ZNF91: variants seen among roughly 807,000 people sequenced by gnomAD.
The protein encoded by ZNF91 is zinc finger protein 91 (HPF7, HTF10).
ZNF91 carries 7 observed loss-of-function variants against 12.6 expected under a neutral mutation model. That is an observed-to-expected ratio of 0.55 (90% CI 0.31 to 1.04). ZNF91 has a LOEUF of 1.04. Ranked by LOEUF, ZNF91 falls within the 50% of genes least tolerant of loss-of-function variation. ZNF91 has a pLI of 0.05. For synonymous variants in ZNF91, 453 were observed against 462.6 expected, an observed-to-expected ratio of 0.98 and a Z score of 0.27; for missense variants, 1,217 against 1,385.4, an observed-to-expected ratio of 0.88 and a Z score of 1.93.
chr19:23,306,628 A>G (rs1967403037), intron 3 of ZNF91, among the ~76,000 whole-genome samples: 1 of 152,184 alleles, frequency 6.6e-6, no homozygotes, highest in African/African-American at 2.4e-5. Context: ...CACCCGAGTT[A>G]TATAACTCTT....
intron 1 of ZNF91, among the ~76,000 whole-genome samples, chr19:23,332,751 C>CA (rs1214171008): frequency 6.6e-6 from 1 of 152,136 alleles, no homozygotes; most frequent in Non-Finnish European, 1.5e-5. Context: ...CTGTGATGAT[C>CA]AGGAATGGAG....
rs1270010689 is a variant in ZNF91 at position 23,357,698 on chromosome 19, T to C, written c.*1705A>G. On this transcript the variant is annotated 3_prime_UTR_variant, in exon 4 of 4. Transcript: ENST00000300619. ...GATTTATTCGGGACTCAGAAATATATGGATTTTACTTATGTTTGTATATAA... is the reference window on the plus strand; with the variant it reads ...GATTTATTCGGGACTCAGAAATATACGGATTTTACTTATGTTTGTATATAA... The C allele has an allele frequency of 6.6e-6, 1 of 152,216 alleles. No individual in the cohort carries two copies. The highest frequency in any genetic ancestry group is 1.5e-5 in the Non-Finnish European group (1 of 68,022). 9.4% of individuals were successfully genotyped at this position (152,216 alleles called of 1,614,324 possible). A position where few individuals can be genotyped will look rare whatever the true frequency, so the allele number is the denominator to read the frequency against.
At chr19:23,349,588 T>G (rs1968313368) in intron 3 of ZNF91, among the ~76,000 whole-genome samples, 4 of 152,140 alleles carry the variant, frequency 2.6e-5, no homozygotes, top group Admixed American at 2.6e-4. Context: ...CCTTGTCCTC[T>G]CAACATAACT....
At chr19:23,323,355 C>G (rs111163957) in intron 1 of ZNF91, among the ~76,000 whole-genome samples, 19,600 of 146,916 alleles carry the variant, frequency 0.13, 2,021 homozygotes, top group East Asian at 0.42. Context: ...CTCTCCCCCT[C>G]CTTTCCTCCT....
intron 2 of ZNF91, chr19:23,307,762 C>CCCT (rs570970073): frequency 2.8e-4 from 42 of 152,298 alleles, no homozygotes; most frequent in African/African-American, 1.0e-3. Flanking sequence ...CTTGCCTGTA[C>CCCT]CCTCCCCTCA....
chr19:23,346,870 C>T (rs906368569), intron 3 of ZNF91, among the ~76,000 whole-genome samples: 6 of 152,210 alleles, frequency 3.9e-5, no homozygotes, highest in Admixed American at 6.5e-5. Context: ...CTCTCCCCCA[C>T]GGCTCCTCCA....
downstream of ZNF91, among the ~76,000 whole-genome samples, chr19:23,335,703 A>G (rs117495813): frequency 7.3e-3 from 1,113 of 152,132 alleles, 3 homozygotes; most frequent in Non-Finnish European, 0.012. Context: ...GAGTGTCCCA[A>G]TTTTCCAAGT....
downstream of ZNF91, among the ~76,000 whole-genome samples, chr19:23,336,253 T>G (rs1968005615): frequency 6.6e-6 from 1 of 152,114 alleles, no homozygotes; most frequent in South Asian, 2.1e-4. Context: ...AAAACTTGGT[T>G]TAGGAGCAGA....
Position 23,361,485 on chromosome 19 carries a change from A to C in ZNF91, c.1494T>G (p.Ala498=). 1 of 1,613,262 alleles carries C rather than the reference A, an allele frequency of 6.2e-7. No individual in the cohort carries two copies. Among genetic ancestry groups the C allele is most frequent in the Non-Finnish European group, 8.5e-7 (1 of 1,179,750 alleles). Residue 498 remains alanine (A), a synonymous_variant, in exon 4 of 4, where the codon GCT becomes GCG. Coordinates refer to ENST00000300619, the MANE Select transcript of ZNF91 (RefSeq NM_003430.4). ...TAGTAAGGGTTGAGGATTGCCTAAA[A>C]GCTTTGCCACATTCTTCACATTTGT... ...KPYKCEECGK[A]FRQSSTLTKH...
chr19:23,323,263 CCTT>C lies in ZNF91; in HGVS notation n.117-14169_117-14167del, dbSNP rs1967749897. Among the ~76,000 whole-genome samples the C allele has an allele frequency of 5.5e-5, 8 of 146,576 alleles. No individual in the cohort carries two copies. The South Asian group carries it at 1.8e-3, about 33-fold the overall frequency. The stretch of plus-strand genomic sequence containing the variant: ...CTCTCCTTTCTCCTCTCCTCCTGTT[CCTT>C]TTCTTCTTTCTTCTCTCCTCCTCCC... On this transcript the variant is annotated intron_variant and non_coding_transcript_variant, in intron 1 of 1. Coordinates refer to the ZNF91 transcript ENST00000596528.
In ZNF91 at chr19:23,361,005, G is replaced by A. The variant is rs1968721972; in HGVS notation, c.1974C>T (p.Tyr658=). ...HKRIHTGEKP[Y]KCKECGKAFS... is the part of the protein sequence containing the mutation. ...AAGCTTTGCCACATTCTTTACATTT[G>A]TAGGGTTTCTCTCCAGTATGAATTC... The change falls in exon 4 of 4, where the codon TAC becomes TAT. Residue 658 remains tyrosine, a synonymous_variant. Transcript: ENST00000300619. The A allele has an allele frequency of 6.2e-7, 1 of 1,602,944 alleles. No homozygotes were observed. Among genetic ancestry groups the A allele is most frequent in the Non-Finnish European group, 8.5e-7 (1 of 1,171,172 alleles).
At chr19:23,311,226 T>C (rs1967465243), upstream of ZNF91, among the ~76,000 whole-genome samples, 2 of 152,110 alleles carry the variant, frequency 1.3e-5, no homozygotes, top group Admixed American at 6.5e-5. Flanking sequence ...TTTCTCAACA[T>C]CTTGGACTCT....
At chr19:23,378,740 CATCT>C (rs1363258561) in intron 1 of ZNF91, among the ~76,000 whole-genome samples, 1 of 152,164 alleles carries the variant, frequency 6.6e-6, no homozygotes, top group Non-Finnish European at 1.5e-5. Flanking sequence ...TTTTTGCACA[CATCT>C]ATTTATTGTA....
intron 1 of ZNF91, among the ~76,000 whole-genome samples, chr19:23,320,379 C>T (rs1294306127): frequency 6.6e-6 from 1 of 152,128 alleles, no homozygotes; most frequent in Non-Finnish European, 1.5e-5. Context: ...TTCATTTTCA[C>T]ACTGCTATAA....
chr19:23,318,068 C>A (rs1274174962), intron 1 of ZNF91, among the ~76,000 whole-genome samples: 1 of 152,182 alleles, frequency 6.6e-6, no homozygotes, highest in African/African-American at 2.4e-5. Flanking sequence ...AGTCCACTGC[C>A]TTGGCACCGC....
chr19:23,372,546 G>T, intron 3 of ZNF91, among the ~76,000 whole-genome samples: 1 of 151,994 alleles, frequency 6.6e-6, no homozygotes, highest in Non-Finnish European at 1.5e-5. Flanking sequence ...GCAAACTACA[G>T]GACTACTGTT....
chr19:23,364,583 GT>G (rs71163491), intron 3 of ZNF91, among the ~76,000 whole-genome samples: 43,194 of 148,562 alleles, frequency 0.29, 6,381 homozygotes, highest in East Asian at 0.39. Context: ...GGTAAATTTT[GT>G]TTTTTTTTTG....
chr19:23,357,934 T>C lies in ZNF91; in HGVS notation c.*1469A>G, dbSNP rs1968535877. 6.6e-6 allele frequency: 1 copy of C among 152,118 alleles called. No individual in the cohort carries two copies. The allele number at this position is 152,118 out of a possible 1,614,324, so 9.4% of individuals were successfully genotyped here. A position where few individuals can be genotyped will look rare whatever the true frequency, so the allele number is the denominator to read the frequency against. ...TGGCATAATATGTACACATATTAGG[T>C]ATCCACAAAAATTAAGTCAAATACA... On this transcript the variant is annotated 3_prime_UTR_variant, in exon 4 of 4. Coordinates refer to ENST00000300619, the MANE Select transcript of ZNF91 (RefSeq NM_003430.4).
At chr19:23,393,817 T>C (rs2145148754) in intron 1 of ZNF91, among the ~76,000 whole-genome samples, 1 of 151,822 alleles carries the variant, frequency 6.6e-6, no homozygotes, top group African/African-American at 2.4e-5. Flanking sequence ...CTGGCCAACA[T>C]AGTGAAACCC....
Sources: gnomAD v4.1 joint callset for allele counts (sites outside exome capture counted in the v4.1 genomes callset) on GRCh38, gnomAD v4.1.1 for gene constraint, MANE v1.5 for transcripts, NCBI Gene and HGNC (gene_info 2026-07-23, HGNC 2026-07-21) for gene names.